The following SAMD12 variants were observed in gnomAD, a reference collection of about 807,000 sequenced individuals.
The protein encoded by SAMD12 is sterile alpha motif domain containing 12.
A neutral mutation model predicts 15.0 loss-of-function variants in SAMD12; 9 were observed. That is an observed-to-expected ratio of 0.60 (90% CI 0.36 to 1.05). The LOEUF is 1.05. SAMD12 is among the 50% of genes least tolerant of loss of function. The pLI, the probability that SAMD12 is intolerant of heterozygous loss-of-function variation, is 0.01. For missense variants in SAMD12, 230 were observed against 234.2 expected (o/e 0.98, Z 0.12); for synonymous variants, 86 against 90.1 (o/e 0.96, Z 0.25).
At chr8:118,513,199 A>G (rs1030267576) in intron 2 of SAMD12, among the ~76,000 whole-genome samples, 41 of 152,320 alleles carry the variant, frequency 2.7e-4, no homozygotes, top group African/African-American at 9.4e-4. Flanking sequence ...ACCAGAACCC[A>G]TACAAATTAA....
intron 1 of SAMD12, among the ~76,000 whole-genome samples, chr8:118,593,155 A>G (rs778418691): frequency 6.6e-6 from 1 of 152,334 alleles, no homozygotes; most frequent in African/African-American, 2.4e-5. Flanking sequence ...TAACATATAT[A>G]TATTTTTTGT....
At chr8:118,303,824 G>T (rs1365340003) in intron 4 of SAMD12, among the ~76,000 whole-genome samples, 3 of 152,172 alleles carry the variant, frequency 2.0e-5, no homozygotes, top group Non-Finnish European at 4.4e-5. Flanking sequence ...TGCAGAAAAG[G>T]CTGCTCTACT....
At chr8:118,499,874 C>A (rs1824729184) in intron 2 of SAMD12, among the ~76,000 whole-genome samples, 1 of 152,046 alleles carries the variant, frequency 6.6e-6, no homozygotes, top group Admixed American at 6.5e-5. Flanking sequence ...CAGGGGTAGC[C>A]AACATCTACA....
the SAMD12 span, among the ~76,000 whole-genome samples, chr8:118,183,542 T>TATATATATATATATA: frequency 1.2e-4 from 19 of 152,282 alleles, no homozygotes; most frequent in African/African-American, 4.6e-4. Flanking sequence ...GATATACAGT[T>TATATATATATATATA]TAATGGTTGA....
intron 2 of SAMD12, among the ~76,000 whole-genome samples, chr8:118,535,537 C>T (rs183283688): frequency 4.2e-3 from 646 of 152,336 alleles, no homozygotes; most frequent in Non-Finnish European, 7.2e-3. Context: ...CTATGCCCTG[C>T]CCCCAGAGGT....
chr8:118,226,524 A>C (rs1812191777), intron 4 of SAMD12, among the ~76,000 whole-genome samples: 1 of 152,318 alleles, frequency 6.6e-6, no homozygotes. Context: ...ACTTCTGTCC[A>C]TCTGACTATC....
At chr8:118,584,826 G>A (rs1827391106) in intron 1 of SAMD12, among the ~76,000 whole-genome samples, 1 of 151,932 alleles carries the variant, frequency 6.6e-6, no homozygotes, top group Admixed American at 6.6e-5. Flanking sequence ...TGGTGGGAAT[G>A]TCAAGTGATA....
chr8:118,481,918 T>A (rs1824138588), intron 2 of SAMD12, among the ~76,000 whole-genome samples: 1 of 152,160 alleles, frequency 6.6e-6, no homozygotes, highest in Non-Finnish European at 1.5e-5. Context: ...TCTGGCAAGG[T>A]TCCAAGACCT....
At chr8:118,452,582 A>G (rs1487531967) in intron 2 of SAMD12, among the ~76,000 whole-genome samples, 2 of 152,182 alleles carry the variant, frequency 1.3e-5, no homozygotes, top group African/African-American at 4.8e-5. Flanking sequence ...CACATTCCTA[A>G]TAAATAATAA....
chr8:118,131,944 CATAA>C, the SAMD12 span, among the ~76,000 whole-genome samples: 1 of 152,042 alleles, frequency 6.6e-6, no homozygotes, highest in African/African-American at 2.4e-5. Flanking sequence ...GTTCAGAAAA[CATAA>C]ATAAGCAAAG....
At chr8:118,207,907 A>G (rs1225204027) in intron 4 of SAMD12, among the ~76,000 whole-genome samples, 1 of 133,940 alleles carries the variant, frequency 7.5e-6, no homozygotes. Flanking sequence ...AAAGGAGAAT[A>G]CAAGGTCTAC....
intron 3 of SAMD12, among the ~76,000 whole-genome samples, chr8:118,412,663 T>G (rs1195648609): frequency 6.6e-6 from 1 of 152,124 alleles, no homozygotes; most frequent in Admixed American, 6.5e-5. Context: ...GGATGCTGTC[T>G]TGGACCTTCT....
chr8:118,570,861 A>G (rs1255669370), intron 2 of SAMD12, among the ~76,000 whole-genome samples: 1 of 152,174 alleles, frequency 6.6e-6, no homozygotes, highest in Non-Finnish European at 1.5e-5. Flanking sequence ...TTCTTGTGAC[A>G]GTGAATAAGT....
Position 118,596,103 on chromosome 8 carries a change from G to A in SAMD12, c.14-15210C>T, listed in dbSNP as rs7002279. On this transcript the variant is annotated intron_variant, in intron 1 of 3. Coordinates refer to ENST00000314727, the MANE Select transcript of SAMD12 (RefSeq NM_207506.3). ...TACCCAGGATTGTTGTTGAACAACC[G>A]CTCTGTAAACCTGGATCCCAGAATA... Among the ~76,000 whole-genome samples the A allele has an allele frequency of 4.1e-3, 619 of 152,284 alleles. 7 individuals are homozygous for A. The highest frequency in any genetic ancestry group is 0.014 in the African/African-American group (590 of 41,566).
intron 2 of SAMD12, among the ~76,000 whole-genome samples, chr8:118,465,696 A>C (rs989400248): frequency 1.3e-5 from 2 of 151,944 alleles, no homozygotes; most frequent in African/African-American, 4.8e-5. Context: ...GTTTTTTTTT[A>C]AATTATGGCA....
At chr8:118,351,526 G>A (rs1817965003) in intron 4 of SAMD12, among the ~76,000 whole-genome samples, 1 of 152,040 alleles carries the variant, frequency 6.6e-6, no homozygotes, top group South Asian at 2.1e-4. Context: ...ATTGTGCTGT[G>A]GTCTGTCATG....
intron 4 of SAMD12, among the ~76,000 whole-genome samples, chr8:118,291,031 G>A (rs1262527682): frequency 1.3e-5 from 2 of 152,126 alleles, no homozygotes; most frequent in African/African-American, 4.8e-5. Context: ...CTCATAAGCA[G>A]CTTAACTGAA....
At chr8:118,201,160 T>C (rs2129773950) in intron 4 of SAMD12, among the ~76,000 whole-genome samples, 1 of 152,322 alleles carries the variant, frequency 6.6e-6, no homozygotes, top group East Asian at 1.9e-4. Flanking sequence ...CAGCCCTGGC[T>C]CTGAAAAGGG....
chr8:118,440,697 A>AACAC (rs376107717), intron 2 of SAMD12, among the ~76,000 whole-genome samples: 3 of 52,368 alleles, frequency 5.7e-5, no homozygotes, highest in African/African-American at 1.9e-4. Flanking sequence ...CACACACACA[A>AACAC]ACACACACAC....
Sources: allele counts gnomAD v4.1 joint callset (sites outside exome capture counted in the v4.1 genomes callset), GRCh38; gene constraint gnomAD v4.1.1; transcripts MANE v1.5; gene names NCBI Gene and HGNC (gene_info 2026-07-23, HGNC 2026-07-21).